Variants in ANKFN1 observed in about 807,000 individuals in gnomAD.
ANKFN1 encodes the protein ankyrin repeat and fibronectin type-III domain-containing protein 1.
ANKFN1 carries 74 observed loss-of-function variants against 108.7 expected under a neutral mutation model. The ratio of observed to expected loss-of-function variants is 0.68; its 90% CI spans 0.56 to 0.83. ANKFN1 has a LOEUF of 0.83. Ranked by LOEUF, ANKFN1 falls within the 40% of genes least tolerant of loss-of-function variation. ANKFN1 has a pLI of 0.00. For missense variants in ANKFN1, 1,505 were observed against 1,382.3 expected (o/e 1.09, Z -1.41); for synonymous variants, 547 against 516.2 (o/e 1.06, Z -0.81).
At chr17:56,315,873 G>A (rs1455874135) in intron 3 of ANKFN1, among the ~76,000 whole-genome samples, 1 of 152,170 alleles carries the variant, frequency 6.6e-6, no homozygotes, top group African/African-American at 2.4e-5. Context: ...AAGAGAAGAT[G>A]GGAATAATAG....
rs143841009 is a variant in ANKFN1, at chr17:56,496,843, C to T, written c.2428-2039C>T. Among the ~76,000 whole-genome samples the T allele has an allele frequency of 3.8e-3, 584 of 152,176 alleles. 3 individuals are homozygous for T. Among genetic ancestry groups the T allele is most frequent in the African/African-American group, 0.013 (539 of 41,522 alleles). ...GGGGGGTTCCATATTCAGCCCACTA[C>T]AGTAATCATGATTGTCATTATAAAA... On this transcript the variant is annotated intron_variant, in intron 19 of 20. Coordinates refer to ENST00000682825, the MANE Select transcript of ANKFN1 (RefSeq NM_001370326.1).
chr17:56,469,353 A>G (rs2050238335), intron 15 of ANKFN1, among the ~76,000 whole-genome samples: 1 of 151,894 alleles, frequency 6.6e-6, no homozygotes, highest in Non-Finnish European at 1.5e-5. Context: ...CTTAAGATTT[A>G]ATTATATCAG....
chr17:56,269,604 GA>G (rs1168477206), intron 3 of ANKFN1, among the ~76,000 whole-genome samples: 3 of 152,100 alleles, frequency 2.0e-5, no homozygotes, highest in Non-Finnish European at 4.4e-5. Context: ...GATTTCATGA[GA>G]AAAAAAGTCT....
Position 56,517,005 on chromosome 17 carries a change from T to A in ANKFN1, c.*5736T>A, listed in dbSNP as rs1401268634. 6.6e-6 allele frequency among the ~76,000 whole-genome samples: 1 copy of A among 152,112 alleles called. No homozygotes were observed. Among genetic ancestry groups the A allele is most frequent in the Non-Finnish European group, 1.5e-5 (1 of 68,032 alleles). On this transcript the variant is annotated 3_prime_UTR_variant, in exon 21 of 21. Coordinates refer to ENST00000682825, the MANE Select transcript of ANKFN1 (RefSeq NM_001370326.1). The stretch of plus-strand genomic sequence containing the variant: ...AAATGTTGATTCAATAATAAACAAA[T>A]AGAATTCTTAATACTTGGCTTACTT...
intron 1 of ANKFN1, among the ~76,000 whole-genome samples, chr17:56,182,959 C>G (rs948596053): frequency 6.6e-6 from 1 of 152,154 alleles, no homozygotes; most frequent in African/African-American, 2.4e-5. Flanking sequence ...GCATGGATGA[C>G]AGCACATCTG....
chr17:56,363,882 G>A (rs1239568199), intron 6 of ANKFN1, among the ~76,000 whole-genome samples: 4 of 152,180 alleles, frequency 2.6e-5, no homozygotes, highest in East Asian at 1.9e-4. Context: ...ACTCTAAAAC[G>A]ATTGAACTCA....
chr17:56,379,719 A>G (rs2047042367), intron 8 of ANKFN1, among the ~76,000 whole-genome samples: 1 of 152,154 alleles, frequency 6.6e-6, no homozygotes, highest in African/African-American at 2.4e-5. Context: ...TCATTCTCCT[A>G]TTGATGGATG....
chr17:56,208,162 G>A (rs537747967), intron 1 of ANKFN1, among the ~76,000 whole-genome samples: 3 of 152,124 alleles, frequency 2.0e-5, no homozygotes, highest in African/African-American at 4.8e-5. Context: ...GGCACATGCC[G>A]CCAAGCCTGG....
intron 8 of ANKFN1, among the ~76,000 whole-genome samples, chr17:56,420,898 C>A (rs1023001108): frequency 1.3e-5 from 2 of 151,748 alleles, no homozygotes; most frequent in African/African-American, 4.8e-5. Flanking sequence ...TTAGTAGAGA[C>A]GGGGTTTCAC....
intron 8 of ANKFN1, among the ~76,000 whole-genome samples, chr17:56,439,343 C>T (rs9891869): frequency 0.052 from 7,865 of 152,112 alleles, 425 homozygotes; most frequent in African/African-American, 0.15. Flanking sequence ...TCCCTTAAGT[C>T]CCTGCTTCAT....
intron 1 of ANKFN1, among the ~76,000 whole-genome samples, chr17:56,171,270 T>C (rs2143569222): frequency 6.6e-6 from 1 of 152,254 alleles, no homozygotes; most frequent in African/African-American, 2.4e-5. Flanking sequence ...GGACTAGTGC[T>C]GGGGAGACCG....
chr17:56,203,176 A>C (rs1914204080), intron 1 of ANKFN1, among the ~76,000 whole-genome samples: 1 of 152,210 alleles, frequency 6.6e-6, no homozygotes, highest in Admixed American at 6.5e-5. Flanking sequence ...GTAAGTTTCC[A>C]GGGACATTTT....
intron 4 of ANKFN1, among the ~76,000 whole-genome samples, chr17:56,128,816 A>G (rs985146348): frequency 6.6e-6 from 1 of 152,236 alleles, no homozygotes; most frequent in African/African-American, 2.4e-5. Context: ...GGGTATAAAC[A>G]TATAAACTCT....
At chr17:56,505,973 C>T (rs754971322) in intron 20 of ANKFN1, among the ~76,000 whole-genome samples, 44 of 152,202 alleles carry the variant, frequency 2.9e-4, no homozygotes, top group Admixed American at 1.0e-3. Context: ...TTTTTACTAT[C>T]AGTCTTCTAC....
Position 56,402,220 on chromosome 17 carries a change from G to T in ANKFN1, c.910+27506G>T, listed in dbSNP as rs373007741. Among the ~76,000 whole-genome samples the T allele has an allele frequency of 2.6e-5, 4 of 152,082 alleles. 1 individual carries two copies. In the South Asian group the frequency reaches 8.3e-4, roughly 31 times the overall value. The stretch of plus-strand genomic sequence containing the variant: ...ATGCTGGCTTCATAGAATGAATTGG[G>T]GAGAGTTCCTTCTTTCTCTATCTTA... On this transcript the variant is annotated intron_variant, in intron 8 of 20. Transcript: ENST00000682825.
chr17:56,407,931 C>CTTTTTTTTTTT (rs761975892), intron 8 of ANKFN1, among the ~76,000 whole-genome samples: 47 of 104,628 alleles, frequency 4.5e-4, no homozygotes, highest in East Asian at 1.5e-3. Context: ...TCTTTTTTAT[C>CTTTTTTTTTTT]TTTTTTTTTT....
At chr17:56,470,313 A>G (rs1454806251) in intron 15 of ANKFN1, among the ~76,000 whole-genome samples, 1 of 152,150 alleles carries the variant, frequency 6.6e-6, no homozygotes, top group Admixed American at 6.5e-5. Context: ...CAGTAATGGG[A>G]TTGCTGGGTC....
intron 4 of ANKFN1, among the ~76,000 whole-genome samples, chr17:56,070,422 G>A (rs563132429): frequency 2.0e-5 from 3 of 152,172 alleles, no homozygotes; most frequent in African/African-American, 7.2e-5. Flanking sequence ...TGTGTCAAAT[G>A]TTCCACTCTT....
At chr17:56,237,841 T>C (rs1230243067) in intron 3 of ANKFN1, among the ~76,000 whole-genome samples, 2 of 152,164 alleles carry the variant, frequency 1.3e-5, no homozygotes, top group South Asian at 4.1e-4. Context: ...TTTCTCTTGC[T>C]TCTCTAATTC....
Sources: allele counts gnomAD v4.1 joint callset (sites outside exome capture counted in the v4.1 genomes callset), GRCh38; gene constraint gnomAD v4.1.1; transcripts MANE v1.5; gene names NCBI Gene and HGNC (gene_info 2026-07-23, HGNC 2026-07-21).